Variants in PLCXD3 observed in about 807,000 individuals in gnomAD.
PLCXD3 encodes PI-PLC X domain-containing protein 3.
Under a neutral mutation model 25.5 loss-of-function variants are expected in PLCXD3, and 19 were observed. The observed-to-expected ratio is 0.75, with a 90% CI of 0.52 to 1.09. The LOEUF (loss-of-function observed/expected upper bound fraction) is 1.09, where lower values mean the gene tolerates loss of function less well. Ranked by LOEUF, PLCXD3 falls within the 50% of genes least tolerant of loss-of-function variation. PLCXD3 has a pLI of 0.00. For missense variants in PLCXD3, 411 were observed against 388.1 expected (o/e 1.06, Z -0.50); for synonymous variants, 174 against 137.6 (o/e 1.26, Z -1.85).
At chr5:41,394,756 A>G (rs564210126) in intron 1 of PLCXD3, among the ~76,000 whole-genome samples, 37 of 152,310 alleles carry the variant, frequency 2.4e-4, no homozygotes, top group South Asian at 4.1e-4. Flanking sequence ...TTAATTTCAC[A>G]AGAGTATATA....
At chr5:41,501,417 C>T (rs980446748) in intron 1 of PLCXD3, among the ~76,000 whole-genome samples, 3 of 151,932 alleles carry the variant, frequency 2.0e-5, no homozygotes, top group Admixed American at 6.6e-5. Flanking sequence ...AGACATTATG[C>T]GAACTGAAAT....
In PLCXD3 at chr5:41,318,391, A is replaced by G. The variant is rs191222301; in HGVS notation, c.813-4621T>C. Among the ~76,000 whole-genome samples, 124 of 152,302 alleles carry G rather than the reference A, an allele frequency of 8.1e-4. 2 individuals are homozygous for G. The highest frequency in any genetic ancestry group is 6.7e-3 in the Admixed American group (102 of 15,294). On this transcript the variant is annotated intron_variant, in intron 2 of 2. Coordinates refer to ENST00000377801, the MANE Select transcript of PLCXD3 (RefSeq NM_001005473.3). Reference sequence around the variant, plus strand: ...AAAATAAAAACTACAACAAAATTTCAAGGCACAGTCAGTACAATAAAATAT... The same window carrying G: ...AAAATAAAAACTACAACAAAATTTCGAGGCACAGTCAGTACAATAAAATAT...
At chr5:41,433,257 C>CT (rs1268370528) in intron 1 of PLCXD3, among the ~76,000 whole-genome samples, 6 of 152,186 alleles carry the variant, frequency 3.9e-5, no homozygotes, top group African/African-American at 1.4e-4. Context: ...AGCCTACACT[C>CT]TAAGTGAAAA....
At chr5:41,376,501 C>T (rs1200458783) in intron 2 of PLCXD3, among the ~76,000 whole-genome samples, 2 of 152,006 alleles carry the variant, frequency 1.3e-5, no homozygotes, top group Non-Finnish European at 2.9e-5. Flanking sequence ...TTCCTCGACT[C>T]ATCCCCCATG....
Position 41,504,278 on chromosome 5 carries a change from G to A in PLCXD3, c.103+6146C>T, listed in dbSNP as rs913397346. The stretch of plus-strand genomic sequence containing the variant: ...CCTGAAAAAGAAGTTTTTTTAAGAG[G>A]AAGTCAATACAAACACATAGGTGCA... On this transcript the variant is annotated intron_variant, in intron 1 of 2. Transcript: ENST00000377801. Among the ~76,000 whole-genome samples the A allele has an allele frequency of 3.3e-5, 5 of 152,236 alleles. No homozygotes were observed. In the East Asian group the frequency reaches 9.6e-4, roughly 29 times the overall value.
At chr5:41,496,537 A>G (rs1053580472) in intron 1 of PLCXD3, among the ~76,000 whole-genome samples, 1 of 151,670 alleles carries the variant, frequency 6.6e-6, no homozygotes, top group Non-Finnish European at 1.5e-5. Flanking sequence ...GTGAGACAGA[A>G]GGAAGTAGAA....
chr5:41,424,757 T>G (rs1054643814), intron 1 of PLCXD3, among the ~76,000 whole-genome samples: 6 of 152,208 alleles, frequency 3.9e-5, no homozygotes, highest in Non-Finnish European at 8.8e-5. Flanking sequence ...TACTTAGTAT[T>G]TGTTGAGATT....
chr5:41,315,176 A>T (rs898575518), intron 2 of PLCXD3, among the ~76,000 whole-genome samples: 3 of 152,186 alleles, frequency 2.0e-5, no homozygotes, highest in Admixed American at 6.5e-5. Context: ...TTGGAATGAG[A>T]ACTACTATAA....
At chr5:41,397,172 C>A (rs1205947586) in intron 1 of PLCXD3, among the ~76,000 whole-genome samples, 1 of 152,134 alleles carries the variant, frequency 6.6e-6, no homozygotes, top group African/African-American at 2.4e-5. Flanking sequence ...ATTTCAGAGA[C>A]CTTTGTGGCA....
chr5:41,490,160 G>C (rs1412876061), intron 1 of PLCXD3, among the ~76,000 whole-genome samples: 1 of 152,130 alleles, frequency 6.6e-6, no homozygotes, highest in African/African-American at 2.4e-5. Flanking sequence ...GTTGAATTTT[G>C]TCAAAGGCCT....
intron 2 of PLCXD3, among the ~76,000 whole-genome samples, chr5:41,347,804 G>T (rs963557724): frequency 1.4e-4 from 21 of 152,190 alleles, no homozygotes; most frequent in African/African-American, 4.6e-4. Context: ...AGAGGTGCAG[G>T]AAAGACTGAG....
At chr5:41,475,369 C>T (rs1748257664) in intron 1 of PLCXD3, among the ~76,000 whole-genome samples, 1 of 152,160 alleles carries the variant, frequency 6.6e-6, no homozygotes. Context: ...CTGTCCCTGT[C>T]TGTCCCTGCA....
intron 1 of PLCXD3, among the ~76,000 whole-genome samples, chr5:41,390,857 C>A (rs776918140): frequency 3.3e-5 from 5 of 152,198 alleles, no homozygotes; most frequent in African/African-American, 4.8e-5. Flanking sequence ...CCACTCTTCC[C>A]TACCCTGGCG....
At chr5:41,384,657 C>G (rs1183113005) in intron 1 of PLCXD3, among the ~76,000 whole-genome samples, 3 of 151,870 alleles carry the variant, frequency 2.0e-5, no homozygotes, top group African/African-American at 7.3e-5. Flanking sequence ...TTTCACCTTT[C>G]TATCACATGG....
intron 2 of PLCXD3, among the ~76,000 whole-genome samples, chr5:41,350,746 A>T (rs1335887168): frequency 6.6e-6 from 1 of 152,238 alleles, no homozygotes; most frequent in African/African-American, 2.4e-5. Context: ...TATGAAGTAC[A>T]GTAATTATAA....
intron 1 of PLCXD3, among the ~76,000 whole-genome samples, chr5:41,459,679 C>T (rs1372210269): frequency 2.0e-5 from 3 of 151,858 alleles, no homozygotes; most frequent in South Asian, 2.1e-4. Flanking sequence ...CTAACACATT[C>T]CACTCAGTTC....
At chr5:41,339,927 C>A (rs1234949037) in intron 2 of PLCXD3, among the ~76,000 whole-genome samples, 1 of 152,084 alleles carries the variant, frequency 6.6e-6, no homozygotes, top group African/African-American at 2.4e-5. Context: ...AGGATTTATT[C>A]TAGATGGAAC....
At chr5:41,488,024 G>A (rs951692645) in intron 1 of PLCXD3, among the ~76,000 whole-genome samples, 5 of 148,148 alleles carry the variant, frequency 3.4e-5, no homozygotes, top group East Asian at 2.0e-4. Context: ...CCATTAACTC[G>A]TCATTTAGCA....
intron 2 of PLCXD3, among the ~76,000 whole-genome samples, chr5:41,366,018 G>A (rs1022969764): frequency 2.6e-5 from 4 of 151,720 alleles, no homozygotes; most frequent in Admixed American, 1.3e-4. Flanking sequence ...ATGTATACAT[G>A]TGCCATGTTG....
Sources: gnomAD v4.1 joint callset for allele counts (sites outside exome capture counted in the v4.1 genomes callset) on GRCh38, gnomAD v4.1.1 for gene constraint, MANE v1.5 for transcripts, NCBI Gene and HGNC (gene_info 2026-07-23, HGNC 2026-07-21) for gene names.